UNC5A: variants seen among roughly 807,000 people sequenced by gnomAD.
UNC5A encodes unc-5 netrin receptor A.
UNC5A carries 20 observed loss-of-function variants against 87.4 expected under a neutral mutation model. The observed-to-expected ratio is 0.23, with a 90% confidence interval of 0.16 to 0.33. The LOEUF (loss-of-function observed/expected upper bound fraction) is 0.33. Ranked by LOEUF, UNC5A falls within the 10% of genes least tolerant of loss-of-function variation. The pLI, the probability that UNC5A is intolerant of heterozygous loss-of-function variation, is 1.00. For synonymous variants in UNC5A, 438 were observed against 482.3 expected (o/e 0.91, Z 1.20); for missense variants, 844 against 1,133.4 (o/e 0.74, Z 3.67).
chr5:176,852,728 T>C (rs1363381049), intron 1 of UNC5A, among the ~76,000 whole-genome samples: 2 of 152,238 alleles, frequency 1.3e-5, no homozygotes, highest in African/African-American at 4.8e-5. Context: ...CCCGGGAGTT[T>C]CTGAGTTCCC....
chr5:176,841,246 C>T lies in UNC5A; in HGVS notation c.71-21378C>T, dbSNP rs959672331. On this transcript the variant is annotated intron_variant, in intron 1 of 14. Coordinates refer to ENST00000329542, the MANE Select transcript of UNC5A (RefSeq NM_133369.3). The surrounding 1 kb of genome is among the most constrained non-coding windows in gnomAD (Gnocchi z 4.1). The stretch of plus-strand genomic sequence containing the variant: ...TGAGCCACAGAGCTGCTCAGTGACA[C>T]AGGTGATTGTGGGTGCCGTTTGCAG... Among the ~76,000 whole-genome samples the T allele has an allele frequency of 2.0e-5, 3 of 152,198 alleles. No individual in the cohort carries two copies. The highest frequency in any genetic ancestry group is 1.3e-4 in the Admixed American group (2 of 15,274).
At chr5:176,843,804 G>C (rs1000740170) in intron 1 of UNC5A, among the ~76,000 whole-genome samples, 1 of 152,182 alleles carries the variant, frequency 6.6e-6, no homozygotes, top group African/African-American at 2.4e-5. Context: ...GGCTGGGCCC[G>C]GCCGTGGTGT....
chr5:176,863,842 C>CTCCCCCTCCTCCTCT (rs1757908465), intron 2 of UNC5A, among the ~76,000 whole-genome samples: 1 of 113,236 alleles, frequency 8.8e-6, no homozygotes, highest in African/African-American at 3.3e-5. Context: ...CCTCCTCCTC[C>CTCCCCCTCCTCCTCT]CCTCCCCCAC....
At chr5:176,860,808 A>T (rs1227538622) in intron 1 of UNC5A, among the ~76,000 whole-genome samples, 2 of 152,214 alleles carry the variant, frequency 1.3e-5, no homozygotes, top group African/African-American at 4.8e-5. Context: ...CTTGGTGTCC[A>T]TAACAGAGCT....
Position 176,844,785 on chromosome 5 carries a change from AC to A in UNC5A, c.71-17835del, listed in dbSNP as rs1757362087. Among the ~76,000 whole-genome samples the A allele has an allele frequency of 6.6e-6, 1 of 151,782 alleles. No individual in the cohort carries two copies. The highest frequency in any genetic ancestry group is 1.5e-5 in the Non-Finnish European group (1 of 67,924). Reference sequence around the variant, plus strand: ...CAGCAGGGCTATGGCCCAATCACTCACCCCGAGACCCCTCTCCACCCTCCAG... The same window carrying A: ...CAGCAGGGCTATGGCCCAATCACTCACCCGAGACCCCTCTCCACCCTCCAG... On this transcript the variant is annotated intron_variant, in intron 1 of 14. Coordinates refer to ENST00000329542, the MANE Select transcript of UNC5A (RefSeq NM_133369.3). The surrounding 1 kb of genome is among the most constrained non-coding windows in gnomAD (Gnocchi z 4.2).
At chr5:176,846,381 G>A (rs1197108260) in intron 1 of UNC5A, among the ~76,000 whole-genome samples, 3 of 152,030 alleles carry the variant, frequency 2.0e-5, no homozygotes, top group Admixed American at 1.3e-4. Flanking sequence ...GCTGAGTAGG[G>A]AGGGGGAAAG....
rs985202863 is a variant in UNC5A at position 176,869,425 on chromosome 5, G to A, written c.721+461G>A. Among the ~76,000 whole-genome samples, 1 of 152,112 alleles carries A rather than the reference G, an allele frequency of 6.6e-6. No individual in the cohort carries two copies. Among genetic ancestry groups the A allele is most frequent in the African/African-American group, 2.4e-5 (1 of 41,406 alleles). ...GCCCCCTGGGAGAAGGGAAGACTGT[G>A]GCGTGCGTGCTGCAGGGCCCGGGGG... On this transcript the variant is annotated intron_variant, in intron 5 of 14. Transcript: ENST00000329542. The surrounding 1 kb of genome is among the most constrained non-coding windows in gnomAD (Gnocchi z 9.1).
At position 176,874,128 on chromosome 5, in the gene UNC5A, G is replaced by C. The variant is rs1176900940; in HGVS notation, c.1047G>C (p.Gln349His). ...ADSSILTSGFQPVSIKPSKAD... is the reference protein window; with the variant it reads ...ADSSILTSGFHPVSIKPSKAD... ...CGTCCATTCTCACCTCAGGCTTCCA[G>C]CCCGTCAGCATCAAGCCCAGCAAAG... The change falls in exon 7 of 15, where the codon CAG becomes CAC. Residue 349 changes from glutamine to histidine, a missense_variant. Gln to His is a conservative substitution (Grantham distance 24). Around this residue, in one of 3 missense-constraint regions of UNC5A, gnomAD observed 353 missense variants for 387.5 expected, o/e 0.91. Transcript: ENST00000329542. The surrounding 1 kb of genome is among the most constrained non-coding windows in gnomAD (Gnocchi z 7.6). 1.9e-6 allele frequency: 3 copies of C among 1,613,974 alleles called. No individual in the cohort carries two copies. In the Admixed American group the frequency reaches 5.0e-5, roughly 27 times the overall value.
chr5:176,857,015 C>T (rs557459088), intron 1 of UNC5A, among the ~76,000 whole-genome samples: 1 of 152,376 alleles, frequency 6.6e-6, no homozygotes, highest in African/African-American at 2.4e-5. Flanking sequence ...CTCCCCTGTT[C>T]CCTTTTCCAA....
Position 176,875,075 on chromosome 5 carries a change from C to G in UNC5A, c.1378+509C>G, listed in dbSNP as rs1174286002. Among the ~76,000 whole-genome samples, 1 of 152,208 alleles carries G rather than the reference C, an allele frequency of 6.6e-6. No homozygotes were observed. Among genetic ancestry groups the G allele is most frequent in the Non-Finnish European group, 1.5e-5 (1 of 68,034 alleles). On this transcript the variant is annotated intron_variant, in intron 8 of 14. Transcript: ENST00000329542. This position sits in a 1 kb window ranked among gnomAD's most constrained non-coding sequence, Gnocchi z 5.2. The stretch of plus-strand genomic sequence containing the variant: ...CACCCGAAATTCCCAAGTCCCTCAG[C>G]TTAGATGACCCCATGCGCTCCTGGT...
Position 176,866,692 on chromosome 5 carries a change from C to T in UNC5A, c.293-1438C>T, listed in dbSNP as rs150935758. ...CCTCCCCAGATCTCCTTATCAGATG[C>T]CCTAAGTCACATTGAAAGATAGCTG... is the stretch of plus-strand genomic sequence containing the variant. On this transcript the variant is annotated intron_variant, in intron 2 of 14. Coordinates refer to ENST00000329542, the MANE Select transcript of UNC5A (RefSeq NM_133369.3). The surrounding 1 kb of genome is among the most constrained non-coding windows in gnomAD (Gnocchi z 5.0). Among the ~76,000 whole-genome samples the T allele has an allele frequency of 1.1e-3, 174 of 152,270 alleles. 1 individual carries two copies. Among genetic ancestry groups the T allele is most frequent in the African/African-American group, 3.9e-3 (164 of 41,546 alleles).
At chr5:176,831,405 A>C (rs1757022927) in intron 1 of UNC5A, among the ~76,000 whole-genome samples, 1 of 151,974 alleles carries the variant, frequency 6.6e-6, no homozygotes, top group South Asian at 2.1e-4. Context: ...TGTTCATCAC[A>C]TTTTACCCAA....
chr5:176,872,148 A>AC (rs1758132312), intron 6 of UNC5A, among the ~76,000 whole-genome samples: 2 of 101,990 alleles, frequency 2.0e-5, no homozygotes, highest in African/African-American at 3.9e-5. Context: ...CACTCGCCCC[A>AC]CACCACAGCT....
intron 8 of UNC5A, among the ~76,000 whole-genome samples, 189 bp from the exon 9 acceptor site, chr5:176,877,003 G>A (rs2149370362): frequency 6.6e-6 from 1 of 152,308 alleles, no homozygotes; most frequent in Non-Finnish European, 1.5e-5. Context: ...AGTTGCTCAT[G>A]GGGTGCCCCT....
chr5:176,842,482 G>A (rs1174770392), intron 1 of UNC5A, among the ~76,000 whole-genome samples: 1 of 138,986 alleles, frequency 7.2e-6, no homozygotes, highest in Non-Finnish European at 1.5e-5. Context: ...TCAACAAATG[G>A]AGAAACTGTG....
At chr5:176,822,876 G>A (rs977112534) in intron 1 of UNC5A, among the ~76,000 whole-genome samples, 10 of 152,170 alleles carry the variant, frequency 6.6e-5, no homozygotes, top group African/African-American at 2.4e-4. Flanking sequence ...CAGCCCCGCT[G>A]GAGCAGACGG....
chr5:176,835,976 A>G (rs1276342928), intron 1 of UNC5A, among the ~76,000 whole-genome samples: 1 of 152,238 alleles, frequency 6.6e-6, no homozygotes, highest in Admixed American at 6.5e-5. Context: ...CTTTTTTAAC[A>G]TTTAAATAAA....
chr5:176,813,107 G>T (rs1756506272), intron 1 of UNC5A, among the ~76,000 whole-genome samples: 1 of 152,186 alleles, frequency 6.6e-6, no homozygotes, highest in African/African-American at 2.4e-5. Context: ...CCTTCAGCAT[G>T]CTCGCACCTG....
chr5:176,870,522 C>T lies in UNC5A; in HGVS notation c.874C>T (p.Leu292Phe). ...DLDTRNCTSDLCVHTASGPED... is the reference protein window; with the variant it reads ...DLDTRNCTSDFCVHTASGPED... ...GGACACCCGCAACTGTACCAGTGACCTCTGTGTACACAGTGAGTCCTCTCT... is the reference window on the plus strand; with the variant it reads ...GGACACCCGCAACTGTACCAGTGACTTCTGTGTACACAGTGAGTCCTCTCT... The change falls in exon 6 of 15, where the codon CTC becomes TTC. Residue 292 changes from leucine (L) to phenylalanine (F), a missense_variant. Physicochemically the swap from Leu to Phe is conservative, Grantham distance 22. This residue lies in a region of UNC5A where 314 missense variants were observed against 466.5 expected (regional missense o/e 0.67). Transcript: ENST00000329542. 3 of 1,598,096 alleles carry T rather than the reference C, an allele frequency of 1.9e-6. No homozygotes were observed. The African/African-American group carries it at 4.0e-5, about 21-fold the overall frequency.
Sources: allele counts gnomAD v4.1 joint callset (sites outside exome capture counted in the v4.1 genomes callset), GRCh38; gene constraint gnomAD v4.1.1; regional missense constraint gnomAD v4.1.1; non-coding constraint Gnocchi (gnomAD v3.1); transcripts MANE v1.5; gene names NCBI Gene and HGNC (gene_info 2026-07-23, HGNC 2026-07-21).